Variants in PTPRD observed in about 807,000 individuals in gnomAD.
The protein encoded by PTPRD is receptor-type tyrosine-protein phosphatase delta.
In PTPRD, 34 loss-of-function variants were observed where a neutral mutation model predicts 214.5. That is an observed-to-expected ratio of 0.16 (90% confidence interval 0.12 to 0.21). The LOEUF is 0.21. Among genes scored for constraint, PTPRD ranks in the 10% least tolerant of loss-of-function variants. PTPRD has a pLI of 1.00. For synonymous variants in PTPRD, 1,128 were observed against 845.7 expected (o/e 1.33, Z -5.79); for missense variants, 2,545 against 2,398.7 (o/e 1.06, Z -1.27).
chr9:8,421,582 A>G (rs902333996), intron 35 of PTPRD, among the ~76,000 whole-genome samples: 1 of 152,190 alleles, frequency 6.6e-6, no homozygotes. Context: ...CAAATCTGCC[A>G]TATACACAGT....
At chr9:8,343,028 C>T (rs1025930010) in intron 39 of PTPRD, among the ~76,000 whole-genome samples, 1 of 152,028 alleles carries the variant, frequency 6.6e-6, no homozygotes, top group African/African-American at 2.4e-5. Context: ...TGGCAAGGCA[C>T]CTTTGCAACG....
At chr9:9,688,769 A>T in intron 7 of PTPRD, among the ~76,000 whole-genome samples, 1 of 151,782 alleles carries the variant, frequency 6.6e-6, no homozygotes, top group East Asian at 1.9e-4. Flanking sequence ...CCAGTAATAC[A>T]CCTTCTTCTG....
chr9:9,886,227 T>C (rs1242863139), intron 5 of PTPRD, among the ~76,000 whole-genome samples: 1 of 152,124 alleles, frequency 6.6e-6, no homozygotes, highest in Non-Finnish European at 1.5e-5. Context: ...TCTGGCTGCA[T>C]ATCAGAATTG....
intron 12 of PTPRD, among the ~76,000 whole-genome samples, chr9:8,678,494 T>C (rs1349062178): frequency 6.6e-6 from 1 of 152,162 alleles, no homozygotes; most frequent in Non-Finnish European, 1.5e-5. Context: ...CCCAGCCCCC[T>C]TCACTTTCAG....
intron 11 of PTPRD, among the ~76,000 whole-genome samples, chr9:8,852,966 G>A (rs1029822243): frequency 1.3e-5 from 2 of 152,108 alleles, no homozygotes; most frequent in African/African-American, 4.8e-5. Context: ...GAGTTGCTTC[G>A]AGGAGCGTGG....
At chr9:10,194,633 T>G (rs72696965) in intron 3 of PTPRD, among the ~76,000 whole-genome samples, 1 of 150,826 alleles carries the variant, frequency 6.6e-6, no homozygotes, top group Non-Finnish European at 1.5e-5. Flanking sequence ...GCACTATAAA[T>G]TATTTCTCCT....
chr9:9,207,169 T>C (rs918532293), intron 9 of PTPRD, among the ~76,000 whole-genome samples: 1 of 152,152 alleles, frequency 6.6e-6, no homozygotes, highest in African/African-American at 2.4e-5. Context: ...AAACCTAGAA[T>C]GATGGACTTG....
intron 11 of PTPRD, among the ~76,000 whole-genome samples, chr9:8,837,694 A>G (rs974686605): frequency 6.6e-6 from 1 of 151,396 alleles, no homozygotes; most frequent in Non-Finnish European, 1.5e-5. Context: ...TAAAGGTGAG[A>G]TCTTGCTATG....
intron 10 of PTPRD, among the ~76,000 whole-genome samples, chr9:9,126,004 A>T (rs2099831954): frequency 6.6e-6 from 1 of 152,184 alleles, no homozygotes; most frequent in African/African-American, 2.4e-5. Context: ...TGCTCCAGGT[A>T]CAGAATGGAG....
chr9:9,084,956 G>T lies in PTPRD; in HGVS notation c.-142-66221C>A, dbSNP rs547473778. ...GAAAACTTTTCATCAACCATTTTTA[G>T]CACAGACAGGGAAAGATTATTTTTC... is the stretch of plus-strand genomic sequence containing the variant. On this transcript the variant is annotated intron_variant, in intron 10 of 45. Transcript: ENST00000381196. Among the ~76,000 whole-genome samples, 54 of 152,070 alleles carry T rather than the reference G, an allele frequency of 3.6e-4. 1 individual carries two copies. The highest frequency in any genetic ancestry group is 1.3e-3 in the African/African-American group (54 of 41,502).
intron 3 of PTPRD, among the ~76,000 whole-genome samples, chr9:10,207,796 C>T (rs989025375): frequency 6.6e-6 from 1 of 151,398 alleles, no homozygotes; most frequent in African/African-American, 2.4e-5. Context: ...CAAAAAAAAT[C>T]CTGGAAGTAG....
At chr9:9,233,920 T>C (rs1203130884) in intron 9 of PTPRD, among the ~76,000 whole-genome samples, 1 of 152,170 alleles carries the variant, frequency 6.6e-6, no homozygotes, top group African/African-American at 2.4e-5. Flanking sequence ...CTACAGCTTT[T>C]CCAGGTACAT....
intron 11 of PTPRD, among the ~76,000 whole-genome samples, chr9:8,842,186 G>C (rs1042518956): frequency 6.6e-6 from 1 of 152,040 alleles, no homozygotes; most frequent in African/African-American, 2.4e-5. Context: ...CCCTGTAGGA[G>C]GTGACAGAAA....
chr9:9,753,472 T>C (rs1309140193), intron 6 of PTPRD, among the ~76,000 whole-genome samples: 1 of 152,058 alleles, frequency 6.6e-6, no homozygotes, highest in East Asian at 1.9e-4. Flanking sequence ...GCAAGGCTAA[T>C]GTGGGGAGTG....
At chr9:8,940,612 G>T (rs564835364) in intron 11 of PTPRD, among the ~76,000 whole-genome samples, 4 of 151,584 alleles carry the variant, frequency 2.6e-5, no homozygotes, top group African/African-American at 7.3e-5. Context: ...TCTTAAAAAG[G>T]TTATACCTAA....
At chr9:9,362,462 T>C (rs1379516430) in intron 9 of PTPRD, among the ~76,000 whole-genome samples, 1 of 151,112 alleles carries the variant, frequency 6.6e-6, no homozygotes, top group African/African-American at 2.4e-5. Flanking sequence ...GATGATACAG[T>C]TCAAGGATGA....
chr9:9,256,731 G>T (rs1368747045), intron 9 of PTPRD, among the ~76,000 whole-genome samples: 1 of 151,850 alleles, frequency 6.6e-6, no homozygotes, highest in South Asian at 2.1e-4. Flanking sequence ...TTCCAAAATG[G>T]ATAGAAATGA....
In PTPRD at chr9:8,645,699, T is replaced by G. The variant is rs2096672046; in HGVS notation, c.65-8855A>C. On this transcript the variant is annotated intron_variant, in intron 12 of 45. Coordinates refer to ENST00000381196, the MANE Select transcript of PTPRD (RefSeq NM_002839.4). ...TGAAGAGAGGAAGAAAAGATTTAAT[T>G]TAGTGAAAAGATTATCTCCCACTTG... Among the ~76,000 whole-genome samples, 3 of 150,354 alleles carry G rather than the reference T, an allele frequency of 2.0e-5. No homozygotes were observed. The South Asian group carries it at 6.4e-4, about 32-fold the overall frequency.
At chr9:9,975,618 A>G (rs1241127430) in intron 4 of PTPRD, among the ~76,000 whole-genome samples, 1 of 152,200 alleles carries the variant, frequency 6.6e-6, no homozygotes, top group Non-Finnish European at 1.5e-5. Flanking sequence ...CACATGCATT[A>G]AAGTTTGTGA....
Sources: gnomAD v4.1 joint callset for allele counts (sites outside exome capture counted in the v4.1 genomes callset) on GRCh38, gnomAD v4.1.1 for gene constraint, MANE v1.5 for transcripts, NCBI Gene and HGNC (gene_info 2026-07-23, HGNC 2026-07-21) for gene names.